The following RBL1 variants were observed in gnomAD, a reference collection of about 807,000 sequenced individuals.
RBL1 encodes the protein RB transcriptional corepressor like 1.
RBL1 carries 82 observed loss-of-function variants against 123.0 expected under a neutral mutation model. The observed-to-expected ratio is 0.67, with a 90% CI of 0.56 to 0.80. RBL1 has a LOEUF of 0.80. RBL1 is among the 30% of genes least tolerant of loss of function. The pLI is 0.00. For missense variants in RBL1, 1,171 were observed against 1,299.6 expected, an observed-to-expected ratio of 0.90 and a Z score of 1.52; for synonymous variants, 405 against 441.3, an observed-to-expected ratio of 0.92 and a Z score of 1.03.
intron 2 of RBL1, among the ~76,000 whole-genome samples, chr20:37,071,485 G>T (rs756122276): frequency 6.6e-6 from 1 of 151,886 alleles, no homozygotes; most frequent in African/African-American, 2.4e-5. Context: ...GTGAGATCTC[G>T]TCTCTACAAA....
chr20:37,017,304 T>C (rs1168051481), intron 19 of RBL1, among the ~76,000 whole-genome samples: 33 of 151,862 alleles, frequency 2.2e-4, no homozygotes, highest in Non-Finnish European at 2.9e-5. Context: ...GCCTGGGATG[T>C]CCATGCTGCA....
chr20:37,006,010 C>T (rs1292681967), intron 20 of RBL1, among the ~76,000 whole-genome samples: 1 of 149,228 alleles, frequency 6.7e-6, no homozygotes, highest in East Asian at 2.0e-4. Flanking sequence ...ATCCACCTAC[C>T]TTAGCTTGCT....
chr20:37,016,959 A>C, intron 19 of RBL1, among the ~76,000 whole-genome samples: 1 of 151,408 alleles, frequency 6.6e-6, no homozygotes, highest in South Asian at 2.1e-4. Context: ...GGGGATGGGA[A>C]GAAGAGAGGA....
At chr20:37,076,929 C>G (rs1288202018) in intron 2 of RBL1, among the ~76,000 whole-genome samples, 1 of 148,470 alleles carries the variant, frequency 6.7e-6, no homozygotes, top group Non-Finnish European at 1.5e-5. Context: ...TGCATATTTG[C>G]TTTATCATTT....
intron 19 of RBL1, among the ~76,000 whole-genome samples, chr20:37,012,001 T>A (rs1287267508): frequency 6.6e-6 from 1 of 152,216 alleles, no homozygotes; most frequent in Non-Finnish European, 1.5e-5. Flanking sequence ...TGCCTGCGAT[T>A]GCAGGCGCGC....
At chr20:37,012,817 A>G (rs1237711727) in intron 19 of RBL1, among the ~76,000 whole-genome samples, 1 of 139,192 alleles carries the variant, frequency 7.2e-6, no homozygotes, top group Non-Finnish European at 1.5e-5. Context: ...CCGGCCAGCC[A>G]CCCCGTCAGG....
rs756369624 is a variant in RBL1, at chr20:37,047,046, A to G, written c.1605+7T>C. 2.1e-5 allele frequency: 33 copies of G among 1,577,590 alleles called. No individual in the cohort carries two copies. The highest frequency in any genetic ancestry group is 2.6e-5 in the Non-Finnish European group (31 of 1,171,300). ...CATCTCATAACAGAACTTTGTTTTC[A>G]TCTCACCTTATAAAAGTAAAATGGT... On this transcript the variant is annotated splice_region_variant and intron_variant, in intron 12 of 21. Transcript: ENST00000373664.
At chr20:37,012,012 G>A (rs1014353233) in intron 19 of RBL1, among the ~76,000 whole-genome samples, 1 of 152,218 alleles carries the variant, frequency 6.6e-6, no homozygotes, top group Non-Finnish European at 1.5e-5. Flanking sequence ...GCAGGCGCGC[G>A]CTGTCACGCC....
At chr20:37,032,389 T>C (rs1344242218) in intron 16 of RBL1, among the ~76,000 whole-genome samples, 1 of 151,978 alleles carries the variant, frequency 6.6e-6, no homozygotes, top group Non-Finnish European at 1.5e-5. Flanking sequence ...AAACAGAAAG[T>C]AGAATAGTAG....
Position 37,047,732 on chromosome 20 carries a change from C to T in RBL1, c.1468-542G>A, listed in dbSNP as rs537564103. Among the ~76,000 whole-genome samples the T allele has an allele frequency of 3.3e-5, 5 of 152,268 alleles. No individual in the cohort carries two copies. In the East Asian group the frequency reaches 9.6e-4, roughly 29 times the overall value. ...TGGTGGCTCACCCCTGTAATCTCGG[C>T]ACTTTGGGAGGCCGAGGCAGGTGGA... On this transcript the variant is annotated intron_variant, in intron 11 of 21. Coordinates refer to ENST00000373664, the MANE Select transcript of RBL1 (RefSeq NM_002895.5).
At chr20:37,053,040 G>A (rs370917554) in intron 11 of RBL1, among the ~76,000 whole-genome samples, 3 of 152,228 alleles carry the variant, frequency 2.0e-5, no homozygotes, top group African/African-American at 7.2e-5. Context: ...TTCAAAATAC[G>A]TGGAGAAAAG....
At chr20:37,058,389 G>A (rs1265908837) in intron 9 of RBL1, among the ~76,000 whole-genome samples, 1 of 151,310 alleles carries the variant, frequency 6.6e-6, no homozygotes, top group Non-Finnish European at 1.5e-5. Context: ...GGTGGCAGGC[G>A]CCTGTAGTCC....
intron 11 of RBL1, among the ~76,000 whole-genome samples, chr20:37,051,850 A>C (rs1489512062): frequency 6.6e-6 from 1 of 151,980 alleles, no homozygotes; most frequent in Non-Finnish European, 1.5e-5. Context: ...GAAAAAAAAA[A>C]ATGACCCAAC....
At chr20:37,033,672 C>A (rs562517180) in intron 15 of RBL1, among the ~76,000 whole-genome samples, 1 of 149,924 alleles carries the variant, frequency 6.7e-6, no homozygotes, top group African/African-American at 2.5e-5. Flanking sequence ...AGTGCAGTGG[C>A]CTCATCTTGG....
intron 11 of RBL1, 25 bp from the exon 12 acceptor site, chr20:37,047,215 T>C: frequency 1.3e-6 from 2 of 1,565,010 alleles, no homozygotes; most frequent in Non-Finnish European, 8.6e-7. Flanking sequence ...AGACCACAGT[T>C]TAATATTTTT....
chr20:37,020,579 A>T (rs1421657420), intron 18 of RBL1, 80 bp downstream of exon 18: 1 of 973,628 alleles, frequency 1.0e-6, no homozygotes, highest in Non-Finnish European at 1.5e-6. Context: ...AAACTATAAA[A>T]TAAGTTTACC....
intron 2 of RBL1, among the ~76,000 whole-genome samples, chr20:37,073,031 G>A (rs183692157): frequency 1.4e-4 from 22 of 152,108 alleles, no homozygotes; most frequent in East Asian, 7.7e-4. Context: ...GGCTCACTGC[G>A]GGCTTGACTT....
chr20:37,054,482 TA>T (rs1325451129), intron 11 of RBL1, among the ~76,000 whole-genome samples: 12 of 151,020 alleles, frequency 7.9e-5, no homozygotes, highest in Non-Finnish European at 1.6e-4. Flanking sequence ...AGACTACATC[TA>T]AAAAAATAAA....
At chr20:37,035,730 T>C (rs2064600630) in intron 14 of RBL1, among the ~76,000 whole-genome samples, 1 of 152,222 alleles carries the variant, frequency 6.6e-6, no homozygotes, top group Non-Finnish European at 1.5e-5. Flanking sequence ...CTTCCTGGTT[T>C]CTTGAACCTC....
Sources: allele counts gnomAD v4.1 joint callset (sites outside exome capture counted in the v4.1 genomes callset), GRCh38; gene constraint gnomAD v4.1.1; transcripts MANE v1.5; gene names NCBI Gene and HGNC (gene_info 2026-07-23, HGNC 2026-07-21).